Variants in CACNG6 observed in about 807,000 individuals in gnomAD.
The protein encoded by CACNG6 is calcium voltage-gated channel auxiliary subunit gamma 6.
In CACNG6, 21 loss-of-function variants were observed where a neutral mutation model predicts 23.9. The observed-to-expected ratio is 0.88, with a 90% CI of 0.62 to 1.26. The LOEUF is 1.26. CACNG6 is among the 50% of genes most tolerant of loss of function. The pLI, the probability that CACNG6 is intolerant of heterozygous loss-of-function variation, is 0.00. For synonymous variants in CACNG6, 182 were observed against 168.9 expected (o/e 1.08, Z -0.60); for missense variants, 340 against 352.9 (o/e 0.96, Z 0.29).
At chr19:54,009,448 TAAA>T (rs55798486) in intron 3 of CACNG6, among the ~76,000 whole-genome samples, 4 of 102,530 alleles carry the variant, frequency 3.9e-5, no homozygotes, top group Admixed American at 1.0e-4. Flanking sequence ...AGACTCCATC[TAAA>T]AAAAAAAAAA....
intron 3 of CACNG6, among the ~76,000 whole-genome samples, chr19:54,011,227 T>TACACACACACACACACACACAC (rs1555819814): frequency 5.2e-5 from 5 of 95,292 alleles, no homozygotes; most frequent in African/African-American, 2.9e-4. Flanking sequence ...TATATATATA[T>TACACACACACACACACACACAC]ACACACACAC....
intron 1 of CACNG6, among the ~76,000 whole-genome samples, chr19:53,993,487 C>G (rs925837045): frequency 6.6e-6 from 1 of 152,032 alleles, no homozygotes; most frequent in Admixed American, 6.6e-5. Flanking sequence ...TACCCCAAGA[C>G]CAGAATGTGC....
chr19:54,012,131 CACT>C lies in CACNG6; in HGVS notation c.726_728del (p.Leu243del). 6.5e-7 allele frequency: 1 copy of C among 1,545,934 alleles called. No individual in the cohort carries two copies. Among genetic ancestry groups the C allele is most frequent in the East Asian group, 2.4e-5 (1 of 41,236 alleles). ...GGGGCCGGCTGCTTTCTGCTGCTCA[CACT>C]GCCTTCCTGGCCCTGGGGGTCCCTC... On this transcript the variant is annotated inframe_deletion, in exon 4 of 4. Coordinates refer to ENST00000252729, the MANE Select transcript of CACNG6 (RefSeq NM_145814.2).
At chr19:53,999,971 G>A (rs1372461735) in intron 3 of CACNG6, among the ~76,000 whole-genome samples, 200 bp downstream of exon 3, 2 of 152,080 alleles carry the variant, frequency 1.3e-5, no homozygotes, top group Admixed American at 6.6e-5. Context: ...GTTGCACGCT[G>A]GGAGGTGGGA....
rs138924915 is a variant in CACNG6, at chr19:53,991,997, G to GC, written c.-877dup. ...CCCATCTGCCCCAGCCCTCGGGGAG[G>GC]CCCCGTAGCCTCCCGCCTCTGGACT... On this transcript the variant is annotated 5_prime_UTR_variant, in exon 1 of 4. Transcript: ENST00000252729. 0.024 allele frequency among the ~76,000 whole-genome samples: 3,684 copies of GC among 152,166 alleles called. 142 individuals carry two copies. Among genetic ancestry groups the GC allele is most frequent in the African/African-American group, 0.085 (3,546 of 41,508 alleles).
intron 3 of CACNG6, among the ~76,000 whole-genome samples, chr19:54,003,290 G>A (rs921190115): frequency 3.9e-5 from 6 of 152,208 alleles, no homozygotes; most frequent in African/African-American, 1.2e-4. Flanking sequence ...CGCTGCGAGA[G>A]TGTGGGAGGA....
In CACNG6 at chr19:54,007,893, C is replaced by G. The variant is rs76391834; in HGVS notation, c.545-4058C>G. ...CCAGCCTGGGTGGCTGAGACCTTGT[C>G]ACTAAAAAAGAGAAAAGAAAAAAAA... is the stretch of plus-strand genomic sequence containing the variant. On this transcript the variant is annotated intron_variant, in intron 3 of 3. Transcript: ENST00000252729. Among the ~76,000 whole-genome samples the G allele has an allele frequency of 4.2e-3, 625 of 147,596 alleles. 6 individuals carry two copies. The highest frequency in any genetic ancestry group is 0.015 in the African/African-American group (599 of 39,192).
intron 3 of CACNG6, 40 bp downstream of exon 3, chr19:53,999,811 T>A (rs200877724): frequency 2.9e-4 from 464 of 1,606,150 alleles, no homozygotes; most frequent in Non-Finnish European, 3.9e-4. Flanking sequence ...CATTGCATGC[T>A]GGGAGGATCT....
At chr19:54,005,425 A>G (rs2069632644) in intron 3 of CACNG6, among the ~76,000 whole-genome samples, 1 of 112,438 alleles carries the variant, frequency 8.9e-6, no homozygotes. Flanking sequence ...CTAGTCTCAT[A>G]ACCTGATCTC....
chr19:54,005,498 G>T (rs2069633549), intron 3 of CACNG6, among the ~76,000 whole-genome samples: 1 of 151,802 alleles, frequency 6.6e-6, no homozygotes, highest in Admixed American at 6.6e-5. Context: ...GTTCATGCCT[G>T]TAATCCCAGC....
intron 3 of CACNG6, among the ~76,000 whole-genome samples, chr19:54,011,497 T>C (rs150325399): frequency 6.7e-6 from 1 of 149,946 alleles, no homozygotes; most frequent in East Asian, 2.0e-4. Context: ...ATATTCACCC[T>C]ACAGTGCTGC....
At chr19:53,996,863 A>ATTTTTTTTTTTTTTT (rs35192974) in intron 1 of CACNG6, among the ~76,000 whole-genome samples, 1 of 98,570 alleles carries the variant, frequency 1.0e-5, no homozygotes, top group Non-Finnish European at 1.9e-5. Flanking sequence ...GATCTTTGGG[A>ATTTTTTTTTTTTTTT]TTTTTTTTTT....
At position 53,998,511 on chromosome 19, in the gene CACNG6, C is replaced by CTTTT. The variant is rs35492861; in HGVS notation, c.406+213_406+216dup. On this transcript the variant is annotated intron_variant, in intron 2 of 3. Coordinates refer to ENST00000252729, the MANE Select transcript of CACNG6 (RefSeq NM_145814.2). ...GGTGCTCTAGAGAATCTAGAGAACTCTTTTTTTTTTTTTTTTTTGAGATGA... is the reference window on the plus strand; with the variant it reads ...GGTGCTCTAGAGAATCTAGAGAACTCTTTTTTTTTTTTTTTTTTTTTTGAGATGA... Among the ~76,000 whole-genome samples the CTTTT allele has an allele frequency of 8.0e-4, 92 of 115,420 alleles. 1 individual carries two copies. The highest frequency in any genetic ancestry group is 2.2e-3 in the African/African-American group (64 of 29,456). 75.7% of individuals were successfully genotyped at this position (115,420 alleles called of 152,430 possible). A position where few individuals can be genotyped will look rare whatever the true frequency, so the allele number is the denominator to read the frequency against.
At chr19:54,002,266 G>GTT (rs1477319879) in intron 3 of CACNG6, among the ~76,000 whole-genome samples, 1 of 126,390 alleles carries the variant, frequency 7.9e-6, no homozygotes, top group African/African-American at 3.8e-5. Flanking sequence ...GCTAATTTTC[G>GTT]GTTTTTTTGT....
In CACNG6 at chr19:54,012,192, C is replaced by A. The variant is rs2069725870; in HGVS notation, c.*3C>A. 2.3e-6 allele frequency: 3 copies of A among 1,304,440 alleles called. No individual in the cohort carries two copies. The highest frequency in any genetic ancestry group is 3.1e-6 in the Non-Finnish European group (3 of 976,360). 80.8% of individuals were successfully genotyped at this position (1,304,440 alleles called of 1,614,324 possible). ...AGCGGGGGCACCGGGCCACCTAGAGCCACGCGTGAGACTTCTCTAAGCAAC... is the reference window on the plus strand; with the variant it reads ...AGCGGGGGCACCGGGCCACCTAGAGACACGCGTGAGACTTCTCTAAGCAAC... On this transcript the variant is annotated 3_prime_UTR_variant, in exon 4 of 4. Coordinates refer to ENST00000252729, the MANE Select transcript of CACNG6 (RefSeq NM_145814.2).
At chr19:53,994,755 C>T (rs1394941037) in intron 1 of CACNG6, among the ~76,000 whole-genome samples, 1 of 152,132 alleles carries the variant, frequency 6.6e-6, no homozygotes, top group African/African-American at 2.4e-5. Context: ...AATAGGATGT[C>T]CCAAGCCCTC....
At chr19:53,993,312 C>A in intron 1 of CACNG6, 104 bp downstream of exon 1, 1 of 1,206,990 alleles carries the variant, frequency 8.3e-7, no homozygotes, top group Non-Finnish European at 1.1e-6. Context: ...AAAGCCTGAG[C>A]CCGGAGGAGA....
chr19:53,992,955 G>A lies in CACNG6; in HGVS notation c.78G>A (p.Gln26=), dbSNP rs571070238. 3.5e-6 allele frequency: 5 copies of A among 1,419,132 alleles called. No homozygotes were observed. The East Asian group carries it at 1.5e-4, about 41-fold the overall frequency. The allele number at this position is 1,419,132 out of a possible 1,614,324, so 87.9% of individuals were successfully genotyped here. A position where few individuals can be genotyped will look rare whatever the true frequency, so the allele number is the denominator to read the frequency against. ...CGGGCCGGCGGCGGGCGCACGGGCA[G>A]GGCAGGTCGGGGCTGACGCCCGAGC... ...GAAGRRRAHG[Q]GRSGLTPERE... Residue 26 remains glutamine (Q), a synonymous_variant, in exon 1 of 4, where the codon CAG becomes CAA. Transcript: ENST00000252729. This position sits in a 1 kb window ranked among gnomAD's most constrained non-coding sequence, Gnocchi z 4.1.
At chr19:54,000,246 A>G (rs1296774224) in intron 3 of CACNG6, among the ~76,000 whole-genome samples, 2 of 152,192 alleles carry the variant, frequency 1.3e-5, no homozygotes, top group African/African-American at 4.8e-5. Flanking sequence ...CAAGGTTTGA[A>G]CATGGAGTCC....
Sources: gnomAD v4.1 joint callset for allele counts (sites outside exome capture counted in the v4.1 genomes callset) on GRCh38, gnomAD v4.1.1 for gene constraint, Gnocchi (gnomAD v3.1) non-coding constraint, MANE v1.5 for transcripts, NCBI Gene and HGNC (gene_info 2026-07-23, HGNC 2026-07-21) for gene names.